ADGRD1: variants seen among roughly 807,000 people sequenced by gnomAD.
ADGRD1 encodes G-protein coupled receptor 133.
Under a neutral mutation model 113.4 loss-of-function variants are expected in ADGRD1, and 77 were observed. That is an observed-to-expected ratio of 0.68 (90% CI 0.57 to 0.82). The LOEUF (loss-of-function observed/expected upper bound fraction) is 0.82. ADGRD1 is among the 40% of genes least tolerant of loss of function. ADGRD1 has a pLI of 0.00. For missense variants in ADGRD1, 1,036 were observed against 1,139.1 expected, an observed-to-expected ratio of 0.91 and a Z score of 1.30; for synonymous variants, 474 against 475.0, an observed-to-expected ratio of 1.00 and a Z score of 0.03.
At chr12:131,011,651 G>A (rs969739738) in intron 12 of ADGRD1, among the ~76,000 whole-genome samples, 1 of 152,174 alleles carries the variant, frequency 6.6e-6, no homozygotes, top group Non-Finnish European at 1.5e-5. Flanking sequence ...GGAAAGTCAA[G>A]GGACAAATCA....
intron 19 of ADGRD1, among the ~76,000 whole-genome samples, chr12:131,119,728 A>G (rs1319580253): frequency 1.3e-5 from 2 of 152,202 alleles, no homozygotes; most frequent in Admixed American, 6.5e-5. Context: ...CCTGGTTTGA[A>G]TCGCACCTTT....
At chr12:131,103,764 G>GA (rs1238579261) in intron 15 of ADGRD1, among the ~76,000 whole-genome samples, 2 of 152,234 alleles carry the variant, frequency 1.3e-5, no homozygotes, top group African/African-American at 2.4e-5. Flanking sequence ...AGGACGGGGG[G>GA]ACGTGGGTCT....
At chr12:131,034,061 G>A (rs1047802065) in intron 13 of ADGRD1, among the ~76,000 whole-genome samples, 38 of 152,078 alleles carry the variant, frequency 2.5e-4, no homozygotes, top group African/African-American at 2.9e-4. Context: ...CCTCCCAGCC[G>A]CCCCCAGCTG....
chr12:131,104,940 T>C lies in ADGRD1; in HGVS notation c.1775+6T>C. ...GTCACCTTCGCCGTGCTGTCGTGAG[T>C]CCCCTTTTCTAATCCACCCAACAGT... On this transcript the variant is annotated splice_donor_region_variant and intron_variant, in intron 16 of 24. Coordinates refer to ENST00000261654, the MANE Select transcript of ADGRD1 (RefSeq NM_198827.5). 1 of 1,536,532 alleles carries C rather than the reference T, an allele frequency of 6.5e-7. No homozygotes were observed. The highest frequency in any genetic ancestry group is 1.2e-5 in the South Asian group (1 of 83,044).
At chr12:130,997,193 C>CCG (rs1297302082) in intron 8 of ADGRD1, among the ~76,000 whole-genome samples, 1 of 141,288 alleles carries the variant, frequency 7.1e-6, no homozygotes. Context: ...GGCTGACCCC[C>CCG]CCCCCCGGAC....
chr12:131,045,686 A>G (rs1593111558), intron 13 of ADGRD1, among the ~76,000 whole-genome samples: 2 of 152,142 alleles, frequency 1.3e-5, no homozygotes, highest in African/African-American at 2.4e-5. Context: ...ATGCTGCCCA[A>G]ATCCACAGCG....
intron 18 of ADGRD1, among the ~76,000 whole-genome samples, chr12:131,110,905 T>C (rs1225715483): frequency 6.6e-6 from 1 of 152,246 alleles, no homozygotes; most frequent in African/African-American, 2.4e-5. Context: ...GATTCTTTTT[T>C]GCTTTTCGTT....
Position 130,954,419 on chromosome 12 carries a change from C to G in ADGRD1, c.-47C>G, listed in dbSNP as rs1186642820. On this transcript the variant is annotated 5_prime_UTR_variant, in exon 1 of 25. Coordinates refer to ENST00000261654, the MANE Select transcript of ADGRD1 (RefSeq NM_198827.5). This position sits in a 1 kb window ranked among gnomAD's most constrained non-coding sequence, Gnocchi z 4.7. ...GGTTAAGAGGTCCCGTTCTCACAGACCCTCAGGAATTTCACTTGGCTCCGA... is the reference window on the plus strand; with the variant it reads ...GGTTAAGAGGTCCCGTTCTCACAGAGCCTCAGGAATTTCACTTGGCTCCGA... The G allele has an allele frequency of 4.7e-6, 7 of 1,484,628 alleles. No individual in the cohort carries two copies. Among genetic ancestry groups the G allele is most frequent in the Non-Finnish European group, 5.4e-6 (6 of 1,104,258 alleles). The allele number at this position is 1,484,628 out of a possible 1,614,324, so 92.0% of individuals were successfully genotyped here.
At chr12:131,095,188 C>T (rs1178171237) in intron 15 of ADGRD1, among the ~76,000 whole-genome samples, 1 of 152,246 alleles carries the variant, frequency 6.6e-6, no homozygotes, top group Non-Finnish European at 1.5e-5. Context: ...AAAACCTGCA[C>T]TTCGAGGTGG....
intron 5 of ADGRD1, among the ~76,000 whole-genome samples, chr12:130,985,734 T>G (rs1309439753): frequency 6.6e-6 from 1 of 152,144 alleles, no homozygotes; most frequent in Non-Finnish European, 1.5e-5. Context: ...TGTATTTTTG[T>G]GGAGACGGGG....
In ADGRD1 at chr12:130,965,764, T is replaced by C. The variant is rs1046606456; in HGVS notation, c.104-699T>C. On this transcript the variant is annotated intron_variant, in intron 2 of 24. Transcript: ENST00000261654. The surrounding 1 kb of genome is among the most constrained non-coding windows in gnomAD (Gnocchi z 4.8). ...AAAATAACATACCTGCATAAAGTTA[T>C]GTTTACTCAAAGTATAAGGATCACG... Among the ~76,000 whole-genome samples, 2 of 152,260 alleles carry C rather than the reference T, an allele frequency of 1.3e-5. No individual in the cohort carries two copies. Among genetic ancestry groups the C allele is most frequent in the East Asian group, 3.8e-4 (2 of 5,206 alleles).
chr12:130,966,379 A>G lies in ADGRD1; in HGVS notation c.104-84A>G. Reference sequence around the variant, plus strand: ...CATGGGATCCTTTTACTCTTCCCCCATAATGTGTGTGCTAAGCGGTTCTTA... The same window carrying G: ...CATGGGATCCTTTTACTCTTCCCCCGTAATGTGTGTGCTAAGCGGTTCTTA... On this transcript the variant is annotated intron_variant, in intron 2 of 24. Transcript: ENST00000261654. The surrounding 1 kb of genome is among the most constrained non-coding windows in gnomAD (Gnocchi z 4.6). 1.2e-6 allele frequency: 1 copy of G among 831,292 alleles called. No homozygotes were observed. The allele number at this position is 831,292 out of a possible 1,614,324, so 51.5% of individuals were successfully genotyped here.
intron 13 of ADGRD1, among the ~76,000 whole-genome samples, chr12:131,016,302 C>G (rs1328175103): frequency 6.6e-6 from 1 of 152,272 alleles, no homozygotes; most frequent in African/African-American, 2.4e-5. Context: ...GCCCTTCCCC[C>G]CTGCCCGCAG....
chr12:131,097,898 G>A (rs1473631781), intron 15 of ADGRD1, among the ~76,000 whole-genome samples: 2 of 152,194 alleles, frequency 1.3e-5, no homozygotes, highest in East Asian at 3.9e-4. Context: ...TCTGCCCTAC[G>A]CTTGGCTTCC....
At chr12:131,055,797 A>G (rs577755660) in intron 13 of ADGRD1, among the ~76,000 whole-genome samples, 3 of 152,178 alleles carry the variant, frequency 2.0e-5, no homozygotes, top group Non-Finnish European at 4.4e-5. Flanking sequence ...CTCTCCTTAG[A>G]CGGTTCTAGA....
At chr12:131,008,636 G>A (rs976076692) in intron 12 of ADGRD1, among the ~76,000 whole-genome samples, 5 of 152,164 alleles carry the variant, frequency 3.3e-5, no homozygotes, top group African/African-American at 4.8e-5. Flanking sequence ...CTTCTTGCCC[G>A]GCTGCTTGTA....
chr12:131,090,018 G>A (rs968812665), intron 15 of ADGRD1, among the ~76,000 whole-genome samples: 2 of 152,168 alleles, frequency 1.3e-5, no homozygotes, highest in African/African-American at 2.4e-5. Flanking sequence ...TGTGTGTTGT[G>A]TGTTTGTGGT....
chr12:131,131,036 C>T (rs1001715761), intron 20 of ADGRD1, among the ~76,000 whole-genome samples: 9 of 152,240 alleles, frequency 5.9e-5, no homozygotes, highest in Non-Finnish European at 8.8e-5. Flanking sequence ...ACCCTAACCC[C>T]GCAGCCAGAG....
chr12:130,963,764 A>G (rs1236267127), intron 2 of ADGRD1, among the ~76,000 whole-genome samples: 1 of 151,926 alleles, frequency 6.6e-6, no homozygotes, highest in Non-Finnish European at 1.5e-5. Flanking sequence ...CCTTGCACAG[A>G]GGTCTTTGAT....
Sources: gnomAD v4.1 joint callset for allele counts (sites outside exome capture counted in the v4.1 genomes callset) on GRCh38, gnomAD v4.1.1 for gene constraint, Gnocchi (gnomAD v3.1) non-coding constraint, MANE v1.5 for transcripts, NCBI Gene and HGNC (gene_info 2026-07-23, HGNC 2026-07-21) for gene names.